Variants in TNRC6C observed in about 807,000 individuals in gnomAD.
TNRC6C encodes trinucleotide repeat containing adaptor 6C.
Under a neutral mutation model 153.7 loss-of-function variants are expected in TNRC6C, and 20 were observed. The ratio of observed to expected loss-of-function variants is 0.13; its 90% CI spans 0.09 to 0.19. TNRC6C has a LOEUF of 0.19. Among genes scored for constraint, TNRC6C ranks in the 10% least tolerant of loss-of-function variants. The pLI, the probability that TNRC6C is intolerant of heterozygous loss-of-function variation, is 1.00. For missense variants in TNRC6C, 1,987 were observed against 2,172.0 expected (o/e 0.91, Z 1.69); for synonymous variants, 811 against 841.4 (o/e 0.96, Z 0.63).
At position 78,079,590 on chromosome 17, in the gene TNRC6C, T is replaced by G. The variant is rs1237989079; in HGVS notation, c.3357+49T>G. 7 of 1,597,378 alleles carry G rather than the reference T, an allele frequency of 4.4e-6. No individual in the cohort carries two copies. The highest frequency in any genetic ancestry group is 5.1e-6 in the Non-Finnish European group (6 of 1,167,230). Reference sequence around the variant, plus strand: ...CTGAGCAACAGGATATAGATGCCAGTGTTTCGTGGGGTCCTGTGTTATCTG... The same window carrying G: ...CTGAGCAACAGGATATAGATGCCAGGGTTTCGTGGGGTCCTGTGTTATCTG... On this transcript the variant is annotated intron_variant, in intron 10 of 19. Coordinates refer to ENST00000301624, the Ensembl canonical transcript of TNRC6C. The surrounding 1 kb of genome is among the most constrained non-coding windows in gnomAD (Gnocchi z 4.3).
intron 1 of TNRC6C, among the ~76,000 whole-genome samples, chr17:77,980,812 G>A (rs1233795014): frequency 6.6e-6 from 1 of 152,156 alleles, no homozygotes; most frequent in African/African-American, 2.4e-5. Flanking sequence ...TTATTACAAA[G>A]GATATTATGA....
In TNRC6C at chr17:78,044,762, G is replaced by A. The variant is rs187918062; in HGVS notation, c.-218-4083G>A. Among the ~76,000 whole-genome samples, 15 of 152,292 alleles carry A rather than the reference G, an allele frequency of 9.8e-5. No individual in the cohort carries two copies. In the East Asian group the frequency reaches 2.5e-3, roughly 25 times the overall value. On this transcript the variant is annotated intron_variant, in intron 2 of 19. Transcript: ENST00000301624. ...GAGTAGTTGTGACAGAGACTATATG[G>A]CCCACAAAGCCTAAAGCATTTTGGC...
chr17:78,025,565 G>A (rs777787857), intron 1 of TNRC6C, among the ~76,000 whole-genome samples: 7 of 152,088 alleles, frequency 4.6e-5, no homozygotes, highest in Non-Finnish European at 1.0e-4. Flanking sequence ...GCAGGTTTTT[G>A]TATGAACGTA....
Position 78,093,028 on chromosome 17 carries a change from C to T in TNRC6C, c.4066C>T (p.Pro1356Ser), listed in dbSNP as rs1197705919. Reference sequence around the variant, plus strand: ...CGATTTAATCCAGAACAGTGAGTCACCAGCCAGTCCTCCCGTAGCTGTTCC... The same window carrying T: ...CGATTTAATCCAGAACAGTGAGTCATCAGCCAGTCCTCCCGTAGCTGTTCC... The change falls in exon 15 of 20, where the codon CCA (proline) becomes TCA (serine). Residue 1356 changes from proline to serine, a missense_variant. Pro to Ser is a moderately conservative substitution (Grantham distance 74, BLOSUM62 -1). Coordinates refer to ENST00000301624, the Ensembl canonical transcript of TNRC6C. The T allele has an allele frequency of 3.7e-6, 6 of 1,613,714 alleles. No homozygotes were observed. In the African/African-American group the frequency reaches 5.3e-5, roughly 14 times the overall value.
At chr17:77,995,522 C>T (rs946341952) in intron 1 of TNRC6C, among the ~76,000 whole-genome samples, 1 of 152,182 alleles carries the variant, frequency 6.6e-6, no homozygotes, top group Admixed American at 6.5e-5. Flanking sequence ...CCTCCAAACT[C>T]CTAAGTAGTT....
intron 11 of TNRC6C, among the ~76,000 whole-genome samples, chr17:78,086,277 C>G (rs1440886016): frequency 2.3e-5 from 3 of 127,736 alleles, no homozygotes; most frequent in Admixed American, 9.9e-5. Flanking sequence ...TGGCAGTGAG[C>G]TGAGATCACG....
At chr17:78,077,823 T>G (rs2073110815) in intron 9 of TNRC6C, 1 of 170,470 alleles carries the variant, frequency 5.9e-6, no homozygotes, top group Non-Finnish European at 1.3e-5. Flanking sequence ...GCTTCAAAAG[T>G]CTGTGGGTAC....
chr17:78,095,706 G>C (rs1377598149), intron 16 of TNRC6C, among the ~76,000 whole-genome samples: 1 of 152,162 alleles, frequency 6.6e-6, no homozygotes, highest in East Asian at 1.9e-4. Context: ...TTGAAAGAAA[G>C]GGGAGTACAA....
chr17:77,968,409 T>A (rs965993769), intron 1 of TNRC6C, among the ~76,000 whole-genome samples: 2 of 151,254 alleles, frequency 1.3e-5, no homozygotes, highest in Admixed American at 1.3e-4. Context: ...TAGCGTGATG[T>A]CAGCTCACTG....
intron 14 of TNRC6C, among the ~76,000 whole-genome samples, chr17:78,092,492 G>A (rs1260189277): frequency 6.6e-6 from 1 of 152,206 alleles, no homozygotes. Context: ...GCTTCCCATG[G>A]TATGGATATG....
At chr17:77,969,352 C>T (rs1437012038) in intron 1 of TNRC6C, among the ~76,000 whole-genome samples, 2 of 151,954 alleles carry the variant, frequency 1.3e-5, no homozygotes, top group Non-Finnish European at 2.9e-5. Context: ...TGGGTTCAAG[C>T]GAGTCTCCTG....
chr17:78,104,806 C>G lies in TNRC6C; in HGVS notation c.5034C>G (p.Thr1678=). The G allele has an allele frequency of 7.0e-7, 1 of 1,438,268 alleles. No homozygotes were observed. The highest frequency in any genetic ancestry group is 9.1e-7 in the Non-Finnish European group (1 of 1,096,236). 89.1% of individuals were successfully genotyped at this position (1,438,268 alleles called of 1,614,324 possible). ...TAGGCAGCCCCACGCCGCTAACCACCCTGCTGCCTGGGGACCTGCTCAGCG... is the reference window on the plus strand; with the variant it reads ...TAGGCAGCCCCACGCCGCTAACCACGCTGCTGCCTGGGGACCTGCTCAGCG... Residue 1678 remains threonine, a synonymous_variant, in exon 20 of 20, where the codon ACC becomes ACG. Coordinates refer to ENST00000301624, the Ensembl canonical transcript of TNRC6C. This position sits in a 1 kb window ranked among gnomAD's most constrained non-coding sequence, Gnocchi z 6.2.
At chr17:77,958,605 T>C (rs2070831314), upstream of TNRC6C, among the ~76,000 whole-genome samples, 2 of 151,520 alleles carry the variant, frequency 1.3e-5, no homozygotes, top group Admixed American at 1.3e-4. Context: ...AGTCACGTGC[T>C]AGGGGCCGGG....
intron 3 of TNRC6C, among the ~76,000 whole-genome samples, chr17:78,053,638 AAAAG>A (rs1018600056): frequency 9.2e-5 from 14 of 152,066 alleles, no homozygotes; most frequent in Non-Finnish European, 1.6e-4. Flanking sequence ...CAAAAAAAAA[AAAAG>A]AAAGAAAGAA....
exon 3 of TNRC6C, chr17:78,051,382 A>C (rs2072530119): frequency 6.4e-7 from 1 of 1,550,542 alleles, no homozygotes; most frequent in Non-Finnish European, 8.7e-7. Context: ...CACCACACAC[A>C]GGGTCGAGAC....
Position 78,006,015 on chromosome 17 carries a change from C to T in TNRC6C, c.-546+936C>T, listed in dbSNP as rs187078514. ...ATGTACACAACTGTACATGTAGACA[C>T]ATGCACTCTCACAGCTAATACTATG... On this transcript the variant is annotated intron_variant, in intron 1 of 19. Coordinates refer to ENST00000301624, the Ensembl canonical transcript of TNRC6C. 1.1e-4 allele frequency among the ~76,000 whole-genome samples: 16 copies of T among 152,274 alleles called. No homozygotes were observed. In the East Asian group the frequency reaches 2.9e-3, roughly 28 times the overall value.
At chr17:77,971,772 G>A (rs1221674073) in intron 1 of TNRC6C, among the ~76,000 whole-genome samples, 2 of 151,568 alleles carry the variant, frequency 1.3e-5, no homozygotes, top group African/African-American at 4.9e-5. Context: ...TTCACTCCAT[G>A]TATGTCCATC....
intron 15 of TNRC6C, 186 bp from the exon 18 acceptor site, chr17:78,093,434 T>A (rs2073427801): frequency 1.3e-6 from 1 of 760,336 alleles, no homozygotes; most frequent in South Asian, 1.9e-5. Flanking sequence ...ATGATAGCTG[T>A]GATACCTGGT....
chr17:77,963,672 T>C (rs1032347649), intron 1 of TNRC6C, among the ~76,000 whole-genome samples: 15 of 152,208 alleles, frequency 9.9e-5, no homozygotes, highest in African/African-American at 3.4e-4. Context: ...CAGATAGTTG[T>C]TCGCACTCTC....
Sources: allele counts gnomAD v4.1 joint callset (sites outside exome capture counted in the v4.1 genomes callset), GRCh38; gene constraint gnomAD v4.1.1; non-coding constraint Gnocchi (gnomAD v3.1); transcripts MANE v1.5; gene names NCBI Gene and HGNC (gene_info 2026-07-23, HGNC 2026-07-21).